The following PTPRT variants were observed in gnomAD, a reference collection of about 807,000 sequenced individuals.
The protein encoded by PTPRT is protein tyrosine phosphatase receptor type T, also known as receptor-type tyrosine-protein phosphatase T.
In PTPRT, 56 loss-of-function variants were observed where a neutral mutation model predicts 176.8. The ratio of observed to expected loss-of-function variants is 0.32; its 90% confidence interval spans 0.26 to 0.40. PTPRT has a LOEUF of 0.40. Among genes scored for constraint, PTPRT ranks in the 10% least tolerant of loss-of-function variants. PTPRT has a pLI of 1.00. For synonymous variants in PTPRT, 783 were observed against 739.0 expected, an observed-to-expected ratio of 1.06 and a Z score of -0.96; for missense variants, 1,540 against 1,908.2, an observed-to-expected ratio of 0.81 and a Z score of 3.60.
At chr20:42,148,147 G>A (rs757207986) in intron 17 of PTPRT, among the ~76,000 whole-genome samples, 3 of 151,564 alleles carry the variant, frequency 2.0e-5, no homozygotes, top group Admixed American at 6.6e-5. Context: ...ATCAATCTCC[G>A]CTTTCCTTTT....
chr20:42,693,917 G>A (rs1327589452), intron 6 of PTPRT, among the ~76,000 whole-genome samples: 1 of 151,060 alleles, frequency 6.6e-6, no homozygotes, highest in Non-Finnish European at 1.5e-5. Flanking sequence ...CCACCAATCT[G>A]TTTTCTACTT....
At chr20:42,493,094 G>A (rs1307827607) in intron 7 of PTPRT, among the ~76,000 whole-genome samples, 1 of 152,150 alleles carries the variant, frequency 6.6e-6, no homozygotes, top group African/African-American at 2.4e-5. Flanking sequence ...ACTGCCTCAT[G>A]TAAAGTTTTA....
intron 3 of PTPRT, among the ~76,000 whole-genome samples, chr20:42,782,047 A>G (rs1021137492): frequency 5.9e-5 from 9 of 152,234 alleles, no homozygotes; most frequent in African/African-American, 2.2e-4. Flanking sequence ...CACATGGTAC[A>G]TTCTCAAGAA....
intron 1 of PTPRT, among the ~76,000 whole-genome samples, chr20:43,185,382 G>A (rs575617535): frequency 2.6e-5 from 4 of 152,276 alleles, no homozygotes; most frequent in Admixed American, 6.5e-5. Flanking sequence ...GGACAGAGCC[G>A]AAAAGCAAGG....
chr20:42,273,547 G>A (rs2056976264), intron 13 of PTPRT, among the ~76,000 whole-genome samples: 2 of 152,172 alleles, frequency 1.3e-5, no homozygotes, highest in South Asian at 4.1e-4. Flanking sequence ...GTTTATAGAT[G>A]GGGAAACAGA....
chr20:42,757,085 GT>G (rs1471873443), intron 5 of PTPRT, among the ~76,000 whole-genome samples: 1 of 150,520 alleles, frequency 6.6e-6, no homozygotes, highest in Non-Finnish European at 1.5e-5. Flanking sequence ...AAGGGCAGGA[GT>G]TTTCATGGCT....
intron 17 of PTPRT, among the ~76,000 whole-genome samples, chr20:42,155,588 T>C (rs1228465742): frequency 6.6e-6 from 1 of 152,216 alleles, no homozygotes; most frequent in Non-Finnish European, 1.5e-5. Context: ...CCTGAATACT[T>C]AATGAATGTT....
chr20:42,793,609 T>C (rs1402982316), intron 2 of PTPRT, among the ~76,000 whole-genome samples: 1 of 152,180 alleles, frequency 6.6e-6, no homozygotes, highest in African/African-American at 2.4e-5. Context: ...CGTCCCAGTT[T>C]TATGGCCGTG....
intron 17 of PTPRT, among the ~76,000 whole-genome samples, chr20:42,145,523 T>TAGAC (rs1555876053): frequency 1.3e-5 from 2 of 151,864 alleles, no homozygotes; most frequent in African/African-American, 4.8e-5. Context: ...GATAGATAGA[T>TAGAC]AGATAGATAG....
At chr20:42,858,463 G>A (rs965746901) in intron 2 of PTPRT, among the ~76,000 whole-genome samples, 1 of 152,132 alleles carries the variant, frequency 6.6e-6, no homozygotes, top group Non-Finnish European at 1.5e-5. Flanking sequence ...ATGTTGAAAC[G>A]CTAACCGCCA....
At chr20:42,489,427 G>A (rs1438011914) in intron 7 of PTPRT, among the ~76,000 whole-genome samples, 1 of 152,012 alleles carries the variant, frequency 6.6e-6, no homozygotes, top group Admixed American at 6.6e-5. Context: ...ACACACTAGC[G>A]AGAGAGAGAT....
At chr20:42,952,834 T>C (rs1009371752) in intron 1 of PTPRT, among the ~76,000 whole-genome samples, 1 of 152,188 alleles carries the variant, frequency 6.6e-6, no homozygotes, top group Non-Finnish European at 1.5e-5. Context: ...ACAGAACCTC[T>C]CTGAGGCTCT....
At chr20:42,591,507 G>A (rs2073574133) in intron 7 of PTPRT, among the ~76,000 whole-genome samples, 1 of 152,176 alleles carries the variant, frequency 6.6e-6, no homozygotes, top group Admixed American at 6.5e-5. Context: ...TCAGTTATGT[G>A]ACCTGGAACA....
At chr20:43,033,999 G>A in intron 1 of PTPRT, among the ~76,000 whole-genome samples, 1 of 152,172 alleles carries the variant, frequency 6.6e-6, no homozygotes, top group East Asian at 1.9e-4. Flanking sequence ...TTTATAAAGG[G>A]GAAGACTGAG....
intron 2 of PTPRT, among the ~76,000 whole-genome samples, chr20:42,832,061 TAA>T (rs2078098547): frequency 6.6e-6 from 1 of 152,152 alleles, no homozygotes; most frequent in African/African-American, 2.4e-5. Flanking sequence ...CATTCTACCA[TAA>T]AGACACATGC....
intron 11 of PTPRT, among the ~76,000 whole-genome samples, chr20:42,318,595 A>T (rs1209942984): frequency 6.6e-6 from 1 of 152,180 alleles, no homozygotes; most frequent in Non-Finnish European, 1.5e-5. Context: ...GGAGCATGCA[A>T]CCAAAGCAGT....
intron 12 of PTPRT, among the ~76,000 whole-genome samples, chr20:42,283,430 A>G (rs1231220635): frequency 6.6e-6 from 1 of 152,130 alleles, no homozygotes; most frequent in Non-Finnish European, 1.5e-5. Context: ...ACAAAGAACC[A>G]TTGCATCTTG....
chr20:42,993,483 TGTGTGTGTATATATATACAC>T (rs1984049380), intron 1 of PTPRT, among the ~76,000 whole-genome samples: 1 of 94,192 alleles, frequency 1.1e-5, no homozygotes, highest in Non-Finnish European at 2.2e-5. Flanking sequence ...TACACATATA[TGTGTGTGTATATATATACAC>T]ATATATGTGT....
the PTPRT span, among the ~76,000 whole-genome samples, chr20:42,035,473 A>C: frequency 1.3e-5 from 2 of 152,126 alleles, no homozygotes; most frequent in Non-Finnish European, 2.9e-5. Flanking sequence ...ATTTCTGGCA[A>C]TGACTCTGAT....
Sources: allele counts gnomAD v4.1 joint callset (sites outside exome capture counted in the v4.1 genomes callset), GRCh38; gene constraint gnomAD v4.1.1; transcripts MANE v1.5; gene names NCBI Gene and HGNC (gene_info 2026-07-23, HGNC 2026-07-21).